The following RBCK1 variants were observed in gnomAD, a reference collection of about 807,000 sequenced individuals.
RBCK1 encodes RANBP2-type and C3HC4-type zinc finger containing 1.
In RBCK1, 44 loss-of-function variants were observed where a neutral mutation model predicts 71.1. The observed-to-expected ratio is 0.62, with a 90% CI of 0.49 to 0.80. RBCK1 has a LOEUF of 0.80. RBCK1 is among the 30% of genes least tolerant of loss of function. The pLI, the probability that RBCK1 is intolerant of heterozygous loss-of-function variation, is 0.00. For synonymous variants in RBCK1, 306 were observed against 279.7 expected, an observed-to-expected ratio of 1.09 and a Z score of -0.94; for missense variants, 569 against 685.0, an observed-to-expected ratio of 0.83 and a Z score of 1.89.
intron 2 of RBCK1, among the ~76,000 whole-genome samples, chr20:416,237 G>C (rs574530238): frequency 1.3e-5 from 2 of 149,320 alleles, no homozygotes; most frequent in Admixed American, 1.3e-4. Flanking sequence ...CTCACTGCAC[G>C]GTCCGCCTCC....
In RBCK1 at chr20:417,957, G is replaced by T; in HGVS notation, c.460+27G>T. On this transcript the variant is annotated intron_variant, in intron 4 of 11. Coordinates refer to ENST00000356286, the MANE Select transcript of RBCK1 (RefSeq NM_031229.4). This position sits in a 1 kb window ranked among gnomAD's most constrained non-coding sequence, Gnocchi z 4.7. ...TGAGGCTCTGCCCTGAGCACCGCCG[G>T]ACCCAGCGGGGGCCCTGGACTCACT... The T allele has an allele frequency of 6.3e-7, 1 of 1,589,806 alleles. No individual in the cohort carries two copies. Among genetic ancestry groups the T allele is most frequent in the South Asian group, 1.1e-5 (1 of 89,758 alleles).
At chr20:420,843 GC>G in intron 6 of RBCK1, 27 bp from the exon 7 acceptor site, 1 of 1,444,352 alleles carries the variant, frequency 6.9e-7, no homozygotes, top group Non-Finnish European at 9.1e-7. Flanking sequence ...GCCCTGACCC[GC>G]CCCGTGGCCC....
chr20:420,215 G>C, intron 6 of RBCK1: 1 of 985,026 alleles, frequency 1.0e-6, no homozygotes, highest in Non-Finnish European at 1.2e-6. Context: ...GACTTCCTGA[G>C]AGCCTGGCCT....
rs1367936025 is a variant in RBCK1, at chr20:430,094, G to A, written c.1453-256G>A. Among the ~76,000 whole-genome samples the A allele has an allele frequency of 1.3e-5, 2 of 152,204 alleles. No individual in the cohort carries two copies. The highest frequency in any genetic ancestry group is 3.9e-4 in the East Asian group (2 of 5,190). On this transcript the variant is annotated intron_variant, in intron 11 of 11. Transcript: ENST00000356286. The surrounding 1 kb of genome is among the most constrained non-coding windows in gnomAD (Gnocchi z 5.6). ...TGGAGGCAGAGGAAACTGCCCTCTCGCATGCTGACATGTCTAGAATATGCA... is the reference window on the plus strand; with the variant it reads ...TGGAGGCAGAGGAAACTGCCCTCTCACATGCTGACATGTCTAGAATATGCA...
chr20:421,742 TAG>T (rs1324578027), intron 7 of RBCK1, among the ~76,000 whole-genome samples: 2 of 151,390 alleles, frequency 1.3e-5, no homozygotes, highest in African/African-American at 4.9e-5. Context: ...CAGAGCAGGA[TAG>T]AGAGGTGTTG....
Position 428,743 on chromosome 20 carries a change from G to A in RBCK1, c.1308+154G>A, listed in dbSNP as rs769199018. Reference sequence around the variant, plus strand: ...CCCATCCGGAGGTGGGACTTAGGCCGAATGGTCATGTCAGGAAGAGCGTCT... The same window carrying A: ...CCCATCCGGAGGTGGGACTTAGGCCAAATGGTCATGTCAGGAAGAGCGTCT... On this transcript the variant is annotated intron_variant, in intron 10 of 11. Coordinates refer to ENST00000356286, the MANE Select transcript of RBCK1 (RefSeq NM_031229.4). This position sits in a 1 kb window ranked among gnomAD's most constrained non-coding sequence, Gnocchi z 5.7. The A allele has an allele frequency of 4.9e-5, 68 of 1,394,168 alleles. No individual in the cohort carries two copies. Among genetic ancestry groups the A allele is most frequent in the African/African-American group, 3.8e-4 (26 of 68,558 alleles). 86.4% of individuals were successfully genotyped at this position (1,394,168 alleles called of 1,614,324 possible). A position where few individuals can be genotyped will look rare whatever the true frequency, so the allele number is the denominator to read the frequency against.
At chr20:408,825 G>C in intron 1 of RBCK1, 46 bp downstream of exon 1, 1 of 1,591,790 alleles carries the variant, frequency 6.3e-7, no homozygotes, top group Non-Finnish European at 8.5e-7. Context: ...GTGGGAAGTG[G>C]GCCCCGCAGG....
Position 420,858 on chromosome 20 carries a change from C to G in RBCK1, c.757-13C>G. On this transcript the variant is annotated splice_polypyrimidine_tract_variant and intron_variant, in intron 6 of 11. Coordinates refer to ENST00000356286, the MANE Select transcript of RBCK1 (RefSeq NM_031229.4). The stretch of plus-strand genomic sequence containing the variant: ...GCCCTGACCCGCCCCGTGGCCCCGC[C>G]CCGTGTGCCCAGCGGAAGCAGCAGC... 2 of 1,547,944 alleles carry G rather than the reference C, an allele frequency of 1.3e-6. No homozygotes were observed. Among genetic ancestry groups the G allele is most frequent in the Non-Finnish European group, 1.7e-6 (2 of 1,148,370 alleles).
chr20:408,584 T>G lies in RBCK1; in HGVS notation c.-174T>G. On this transcript the variant is annotated 5_prime_UTR_variant, in exon 1 of 12. Coordinates refer to ENST00000356286, the MANE Select transcript of RBCK1 (RefSeq NM_031229.4). ...ATCCCGGCCTGGTCACCGGGCAGTG[T>G]GATGCTTCCCGACTGCCGCGGGGAC... is the stretch of plus-strand genomic sequence containing the variant. The G allele has an allele frequency of 1.3e-6, 1 of 791,658 alleles. No individual in the cohort carries two copies. The highest frequency in any genetic ancestry group is 2.1e-6 in the Non-Finnish European group (1 of 476,030). The allele number at this position is 791,658 out of a possible 1,614,324, so 49.0% of individuals were successfully genotyped here.
At position 419,576 on chromosome 20, in the gene RBCK1, G is replaced by A. The variant is rs979362975; in HGVS notation, c.601G>A (p.Gly201Arg). Residue 201 changes from glycine to arginine, a missense_variant, in exon 6 of 12, where the codon GGG (glycine) becomes AGG (arginine). Gly to Arg is a moderately radical substitution (Grantham distance 125). Around this residue, in one of 2 missense-constraint regions of RBCK1, gnomAD observed 358 missense variants for 375.6 expected, o/e 0.95. Coordinates refer to ENST00000356286, the MANE Select transcript of RBCK1 (RefSeq NM_031229.4). The part of the protein sequence containing the change: ...EPPPVGWQCP[G>R]CTFINKPTRP... Reference sequence around the variant, plus strand: ...CTCCCAGGTGGGCTGGCAGTGCCCCGGGTGCACCTTCATCAACAAGCCCAC... The same window carrying A: ...CTCCCAGGTGGGCTGGCAGTGCCCCAGGTGCACCTTCATCAACAAGCCCAC... The A allele has an allele frequency of 6.2e-7, 1 of 1,605,072 alleles. No individual in the cohort carries two copies. The highest frequency in any genetic ancestry group is 8.5e-7 in the Non-Finnish European group (1 of 1,176,400).
chr20:418,007 A>T, intron 4 of RBCK1, 77 bp downstream of exon 4: 1 of 1,430,166 alleles, frequency 7.0e-7, no homozygotes, highest in Non-Finnish European at 9.3e-7. Flanking sequence ...AAGCAGGGGC[A>T]GAGCCCCTGG....
rs748477851 is a variant in RBCK1 at position 430,344 on chromosome 20, C to T, written c.1453-6C>T. 3 of 1,603,670 alleles carry T rather than the reference C, an allele frequency of 1.9e-6. No individual in the cohort carries two copies. Among genetic ancestry groups the T allele is most frequent in the Non-Finnish European group, 2.6e-6 (3 of 1,170,636 alleles). Reference sequence around the variant, plus strand: ...GACATTCTCTTCTCTTCCTCCCATCCTCTAGGGCCCAGGAGACACCAGCGG... The same window carrying T: ...GACATTCTCTTCTCTTCCTCCCATCTTCTAGGGCCCAGGAGACACCAGCGG... On this transcript the variant is annotated splice_polypyrimidine_tract_variant and splice_region_variant and intron_variant, in intron 11 of 11. Transcript: ENST00000356286. The surrounding 1 kb of genome is among the most constrained non-coding windows in gnomAD (Gnocchi z 5.6).
At chr20:410,253 G>A (rs2015623801) in intron 2 of RBCK1, among the ~76,000 whole-genome samples, 1 of 152,168 alleles carries the variant, frequency 6.6e-6, no homozygotes, top group Non-Finnish European at 1.5e-5. Context: ...GTTGTTAGGA[G>A]GTGTACTGTA....
At chr20:427,605 T>C (rs1201537731) in intron 9 of RBCK1, 113 bp downstream of exon 9, 1 of 1,176,294 alleles carries the variant, frequency 8.5e-7, no homozygotes. Context: ...CTGCTGGTCA[T>C]GACTTAGAGC....
Position 422,370 on chromosome 20 carries a change from T to C in RBCK1, c.1029+132T>C. The stretch of plus-strand genomic sequence containing the variant: ...TGGGGTCTCACTATGTTGTCCAAGC[T>C]GGTCTCAAACTCCTGGGCTTAAGCG... On this transcript the variant is annotated intron_variant, in intron 8 of 11. Coordinates refer to ENST00000356286, the MANE Select transcript of RBCK1 (RefSeq NM_031229.4). The surrounding 1 kb of genome is among the most constrained non-coding windows in gnomAD (Gnocchi z 5.0). 1 of 728,700 alleles carries C rather than the reference T, an allele frequency of 1.4e-6. No individual in the cohort carries two copies. The highest frequency in any genetic ancestry group is 1.7e-5 in the South Asian group (1 of 57,530). 45.1% of individuals were successfully genotyped at this position (728,700 alleles called of 1,614,324 possible). A position where few individuals can be genotyped will look rare whatever the true frequency, so the allele number is the denominator to read the frequency against.
At chr20:409,742 T>C in intron 1 of RBCK1, 139 bp from the exon 2 acceptor site, 1 of 1,304,694 alleles carries the variant, frequency 7.7e-7, no homozygotes. Flanking sequence ...TTAGTCTGGG[T>C]GCTGAAGGAT....
chr20:425,415 G>A (rs891583308), intron 8 of RBCK1, among the ~76,000 whole-genome samples: 1 of 152,116 alleles, frequency 6.6e-6, no homozygotes, highest in African/African-American at 2.4e-5. Flanking sequence ...TGTAACTCTC[G>A]TAACCACCAA....
intron 8 of RBCK1, among the ~76,000 whole-genome samples, chr20:425,564 C>A (rs957487809): frequency 6.6e-6 from 1 of 151,330 alleles, no homozygotes; most frequent in South Asian, 2.1e-4. Context: ...ACTGTTTATA[C>A]CTCTTAGTTC....
At chr20:426,232 T>C (rs6051941) in intron 8 of RBCK1, among the ~76,000 whole-genome samples, 19,953 of 151,238 alleles carry the variant, frequency 0.13, 2,405 homozygotes, top group African/African-American at 0.33. Context: ...AGTTAACCTC[T>C]CTTAGTTATT....
Sources: gnomAD v4.1 joint callset for allele counts (sites outside exome capture counted in the v4.1 genomes callset) on GRCh38, gnomAD v4.1.1 for gene constraint, gnomAD v4.1.1 regional missense constraint, Gnocchi (gnomAD v3.1) non-coding constraint, MANE v1.5 for transcripts, NCBI Gene and HGNC (gene_info 2026-07-23, HGNC 2026-07-21) for gene names.